The following ST6GALNAC3 variants were observed in gnomAD, a reference collection of about 807,000 sequenced individuals.
The protein encoded by ST6GALNAC3 is alpha-N-acetylgalactosaminide alpha-2,6-sialyltransferase 3.
Under a neutral mutation model 32.7 loss-of-function variants are expected in ST6GALNAC3, and 25 were observed. The observed-to-expected ratio is 0.76, with a 90% confidence interval of 0.56 to 1.07. The LOEUF is 1.07. Ranked by LOEUF, ST6GALNAC3 falls within the 50% of genes least tolerant of loss-of-function variation. The pLI, the probability that ST6GALNAC3 is intolerant of heterozygous loss-of-function variation, is 0.00. For missense variants in ST6GALNAC3, 355 were observed against 382.4 expected (o/e 0.93, Z 0.60); for synonymous variants, 129 against 133.1 (o/e 0.97, Z 0.21).
Position 76,509,832 on chromosome 1 carries a change from A to G in ST6GALNAC3, c.623+97415A>G, listed in dbSNP as rs1661729354. On this transcript the variant is annotated intron_variant, in intron 3 of 4. Transcript: ENST00000328299. The surrounding 1 kb of genome is among the most constrained non-coding windows in gnomAD (Gnocchi z 5.5). ...CTGTTTCTCTATTTCTCTTTTAAGG[A>G]CCCCCATGGTTACATTGGGCCAGAA... Among the ~76,000 whole-genome samples, 1 of 151,916 alleles carries G rather than the reference A, an allele frequency of 6.6e-6. No individual in the cohort carries two copies. The highest frequency in any genetic ancestry group is 1.5e-5 in the Non-Finnish European group (1 of 68,000).
intron 1 of ST6GALNAC3, among the ~76,000 whole-genome samples, chr1:76,300,716 G>A (rs556981076): frequency 3.9e-5 from 6 of 152,142 alleles, no homozygotes; most frequent in African/African-American, 1.4e-4. Flanking sequence ...ATGTCTGCCT[G>A]GGGAGAAGGT....
chr1:76,199,307 T>C (rs1654392538), intron 1 of ST6GALNAC3, among the ~76,000 whole-genome samples: 1 of 152,226 alleles, frequency 6.6e-6, no homozygotes. Flanking sequence ...TGGGCCAGAC[T>C]GCTGAATTCT....
chr1:76,135,257 C>T (rs1490018709), intron 1 of ST6GALNAC3, among the ~76,000 whole-genome samples: 1 of 152,158 alleles, frequency 6.6e-6, no homozygotes, highest in Non-Finnish European at 1.5e-5. Context: ...TTTGTTCCTA[C>T]TCTGTTTTAT....
At chr1:76,534,285 C>T (rs561316003) in intron 3 of ST6GALNAC3, among the ~76,000 whole-genome samples, 3 of 152,216 alleles carry the variant, frequency 2.0e-5, no homozygotes, top group Admixed American at 6.5e-5. Flanking sequence ...TCAAGTGATC[C>T]ACCCGCCTCA....
At chr1:76,627,840 G>A (rs1649070999) in intron 4 of ST6GALNAC3, among the ~76,000 whole-genome samples, 1 of 151,880 alleles carries the variant, frequency 6.6e-6, no homozygotes, top group African/African-American at 2.4e-5. Flanking sequence ...TACAGAAGAA[G>A]TTTAGTGGTT....
intron 1 of ST6GALNAC3, among the ~76,000 whole-genome samples, chr1:76,284,458 C>G (rs1659667396): frequency 6.6e-6 from 1 of 152,114 alleles, no homozygotes; most frequent in African/African-American, 2.4e-5. Flanking sequence ...TTTTCCAAAA[C>G]TTGAACAAAC....
rs893630761 is a variant in ST6GALNAC3 at position 76,311,525 on chromosome 1, G to A, written c.19-2280G>A. ...AACTCCCACTTATGAGTGAGAACAT[G>A]TGGGGTTTGGTTTTCCGTTCCCATG... is the stretch of plus-strand genomic sequence containing the variant. On this transcript the variant is annotated intron_variant, in intron 1 of 4. Coordinates refer to ENST00000328299, the MANE Select transcript of ST6GALNAC3 (RefSeq NM_152996.4). Among the ~76,000 whole-genome samples, 25 of 152,226 alleles carry A rather than the reference G, an allele frequency of 1.6e-4. No homozygotes were observed. The East Asian group carries it at 3.1e-3, about 19-fold the overall frequency.
chr1:76,129,194 CT>C lies in ST6GALNAC3; in HGVS notation c.18+54313del, dbSNP rs1649451184. 4.6e-5 allele frequency among the ~76,000 whole-genome samples: 7 copies of C among 152,326 alleles called. No homozygotes were observed. In the South Asian group the frequency reaches 1.2e-3, roughly 27 times the overall value. ...TATTGTGGTGTTTTATGACCCTCTC[CT>C]TTCCTGTGGGGTCCCAAGGAGGTGA... On this transcript the variant is annotated intron_variant, in intron 1 of 4. Coordinates refer to ENST00000328299, the MANE Select transcript of ST6GALNAC3 (RefSeq NM_152996.4).
chr1:76,355,728 C>T (rs1243226873), intron 2 of ST6GALNAC3, among the ~76,000 whole-genome samples: 1 of 152,208 alleles, frequency 6.6e-6, no homozygotes, highest in East Asian at 1.9e-4. Context: ...ATCATTCATT[C>T]ACTCCTTTAA....
chr1:76,565,512 T>G (rs1227281758), intron 3 of ST6GALNAC3, among the ~76,000 whole-genome samples: 1 of 152,120 alleles, frequency 6.6e-6, no homozygotes, highest in Non-Finnish European at 1.5e-5. Flanking sequence ...TGAACGGGCT[T>G]CCTCGAAGTC....
intron 1 of ST6GALNAC3, among the ~76,000 whole-genome samples, chr1:76,140,855 C>T (rs1650278928): frequency 1.6e-5 from 2 of 125,916 alleles, no homozygotes; most frequent in African/African-American, 3.1e-5. Flanking sequence ...CCAGAGTGAT[C>T]TCAAACTCCT....
chr1:76,260,973 TACACACACACACACACACAC>T (rs59946768), intron 1 of ST6GALNAC3, among the ~76,000 whole-genome samples: 3 of 146,196 alleles, frequency 2.1e-5, no homozygotes, highest in African/African-American at 7.5e-5. Context: ...GAGGTTTTGA[TACACACACACACACACACAC>T]ACACACACAC....
rs1243802906 is a variant in ST6GALNAC3, at chr1:76,076,697, C to T, written c.18+1813C>T. ...GTTTGGTTGATCCTTACTATATCCT[C>T]AGTCTGTTTCTTATAACTATTATTT... On this transcript the variant is annotated intron_variant, in intron 1 of 4. Coordinates refer to ENST00000328299, the MANE Select transcript of ST6GALNAC3 (RefSeq NM_152996.4). Among the ~76,000 whole-genome samples, 3 of 152,310 alleles carry T rather than the reference C, an allele frequency of 2.0e-5. No homozygotes were observed. In the East Asian group the frequency reaches 5.8e-4, roughly 29 times the overall value.
intron 3 of ST6GALNAC3, among the ~76,000 whole-genome samples, chr1:76,417,946 A>C (rs11162150): frequency 0.099 from 15,031 of 152,240 alleles, 1,016 homozygotes; most frequent in South Asian, 0.34. Context: ...TGTTTAGGAA[A>C]CAATGCACAT....
At chr1:76,112,607 C>A (rs1648114660) in intron 1 of ST6GALNAC3, among the ~76,000 whole-genome samples, 1 of 151,618 alleles carries the variant, frequency 6.6e-6, no homozygotes, top group Non-Finnish European at 1.5e-5. Context: ...CGGAGGGGCT[C>A]CTCACTTCTC....
At chr1:76,263,576 T>C (rs976769627) in intron 1 of ST6GALNAC3, among the ~76,000 whole-genome samples, 1 of 152,170 alleles carries the variant, frequency 6.6e-6, no homozygotes, top group East Asian at 1.9e-4. Flanking sequence ...ATGTGTAATA[T>C]TGAAGACCTG....
intron 3 of ST6GALNAC3, among the ~76,000 whole-genome samples, chr1:76,479,904 TCAAAAA>T (rs1659612509): frequency 6.6e-6 from 1 of 151,644 alleles, no homozygotes; most frequent in Non-Finnish European, 1.5e-5. Flanking sequence ...GTAAAAAAAA[TCAAAAA>T]CAAAAACAAA....
intron 2 of ST6GALNAC3, among the ~76,000 whole-genome samples, chr1:76,355,810 A>ATCAAGTCAAGGGTTTC (rs1649393448): frequency 6.6e-6 from 1 of 152,122 alleles, no homozygotes; most frequent in Non-Finnish European, 1.5e-5. Flanking sequence ...TGAACCATTT[A>ATCAAGTCAAGGGTTTC]TCAAGTCAAG....
chr1:76,519,158 T>C (rs551611274), intron 3 of ST6GALNAC3, among the ~76,000 whole-genome samples: 19 of 152,262 alleles, frequency 1.2e-4, no homozygotes, highest in African/African-American at 4.3e-4. Context: ...GTGTCATCTT[T>C]TTTTAGATTT....
Sources: gnomAD v4.1 joint callset for allele counts (sites outside exome capture counted in the v4.1 genomes callset) on GRCh38, gnomAD v4.1.1 for gene constraint, Gnocchi (gnomAD v3.1) non-coding constraint, MANE v1.5 for transcripts, NCBI Gene and HGNC (gene_info 2026-07-23, HGNC 2026-07-21) for gene names.